C10orf90: variants seen among roughly 807,000 people sequenced by gnomAD.
C10orf90 encodes the protein (E2-independent) E3 ubiquitin-conjugating enzyme FATS.
A neutral mutation model predicts 62.5 loss-of-function variants in C10orf90; 56 were observed. The observed-to-expected ratio is 0.90, with a 90% CI of 0.72 to 1.12. The LOEUF is 1.12. Ranked by LOEUF, C10orf90 falls within the 50% of genes most tolerant of loss-of-function variation. The pLI is 0.00. For missense variants in C10orf90, 970 were observed against 880.4 expected (o/e 1.10, Z -1.29); for synonymous variants, 386 against 340.4 (o/e 1.13, Z -1.47).
At chr10:126,601,413 T>C (rs1422667078) in intron 2 of C10orf90, among the ~76,000 whole-genome samples, 3 of 152,236 alleles carry the variant, frequency 2.0e-5, no homozygotes, top group Non-Finnish European at 2.9e-5. Flanking sequence ...CATTTTAGTA[T>C]CTATGTGTCT....
chr10:126,497,773 G>C (rs1213468563), intron 4 of C10orf90, among the ~76,000 whole-genome samples: 1 of 152,206 alleles, frequency 6.6e-6, no homozygotes, highest in Non-Finnish European at 1.5e-5. Flanking sequence ...TGCTGTTGCA[G>C]TATGAAAGCA....
intron 7 of C10orf90, among the ~76,000 whole-genome samples, chr10:126,445,422 A>G (rs1390199454): frequency 6.6e-6 from 1 of 152,210 alleles, no homozygotes; most frequent in African/African-American, 2.4e-5. Flanking sequence ...AATGCTCAAC[A>G]TCACTAATGA....
intron 1 of C10orf90, among the ~76,000 whole-genome samples, chr10:126,669,475 T>C (rs1369687310): frequency 6.6e-6 from 1 of 152,230 alleles, no homozygotes; most frequent in Non-Finnish European, 1.5e-5. Context: ...ATTTGCATGT[T>C]ACATCTATCA....
intron 2 of C10orf90, among the ~76,000 whole-genome samples, chr10:126,590,457 A>G (rs1353430048): frequency 6.6e-6 from 1 of 152,198 alleles, no homozygotes; most frequent in African/African-American, 2.4e-5. Context: ...ACTTTTTAGC[A>G]AATACAAAAG....
intron 2 of C10orf90, among the ~76,000 whole-genome samples, chr10:126,590,310 G>A (rs2134027211): frequency 6.6e-6 from 1 of 152,096 alleles, no homozygotes; most frequent in Non-Finnish European, 1.5e-5. Context: ...AAATATTCAG[G>A]ACCTGAACTC....
At chr10:126,524,020 G>T (rs1456340068) in intron 2 of C10orf90, among the ~76,000 whole-genome samples, 1 of 152,170 alleles carries the variant, frequency 6.6e-6, no homozygotes, top group African/African-American at 2.4e-5. Flanking sequence ...ATGCTGCAAT[G>T]AACATGGTTG....
intron 2 of C10orf90, chr10:126,521,211 G>A (rs1162938363): frequency 1.4e-6 from 2 of 1,475,954 alleles, no homozygotes; most frequent in Non-Finnish European, 1.9e-6. Context: ...ACAGTACTGG[G>A]CCCAGAAGAT....
At chr10:126,482,899 G>A (rs1861236438) in intron 4 of C10orf90, among the ~76,000 whole-genome samples, 1 of 152,170 alleles carries the variant, frequency 6.6e-6, no homozygotes, top group Non-Finnish European at 1.5e-5. Context: ...AGGAGTTAAG[G>A]AACAAGGAGT....
At chr10:126,523,027 A>C (rs972651171) in intron 2 of C10orf90, 7 of 152,190 alleles carry the variant, frequency 4.6e-5, no homozygotes, top group Non-Finnish European at 1.0e-4. Flanking sequence ...TCCCTCAAAA[A>C]ACAGTGTGTT....
At chr10:126,428,142 A>T (rs529418690) in intron 8 of C10orf90, among the ~76,000 whole-genome samples, 35 of 152,298 alleles carry the variant, frequency 2.3e-4, no homozygotes, top group African/African-American at 8.4e-4. Flanking sequence ...AGCTACCGAG[A>T]GATAGTGTGT....
chr10:126,425,680 G>C lies in C10orf90; in HGVS notation c.*184C>G. 5 of 626,540 alleles carry C rather than the reference G, an allele frequency of 8.0e-6. No individual in the cohort carries two copies. Among genetic ancestry groups the C allele is most frequent in the Non-Finnish European group, 1.4e-5 (5 of 366,706 alleles). The allele number at this position is 626,540 out of a possible 1,614,324, so 38.8% of individuals were successfully genotyped here. A position where few individuals can be genotyped will look rare whatever the true frequency, so the allele number is the denominator to read the frequency against. ...ACAGATTGTTGACCTATTTTCTCGA[G>C]GGTTATTGTTTCTGTTTGGCTTGGG... On this transcript the variant is annotated 3_prime_UTR_variant, in exon 10 of 10. Transcript: ENST00000488181.
intron 5 of C10orf90, among the ~76,000 whole-genome samples, chr10:126,463,534 C>T (rs931029438): frequency 1.3e-5 from 2 of 152,180 alleles, no homozygotes; most frequent in Non-Finnish European, 2.9e-5. Context: ...ACGCCAGCCA[C>T]TGCCACCCCC....
At chr10:126,599,160 C>A (rs1845143593) in intron 2 of C10orf90, among the ~76,000 whole-genome samples, 1 of 151,422 alleles carries the variant, frequency 6.6e-6, no homozygotes, top group African/African-American at 2.4e-5. Flanking sequence ...ATAAGAATGC[C>A]AGGCCTCATT....
intron 2 of C10orf90, among the ~76,000 whole-genome samples, chr10:126,534,636 A>G (rs1359430325): frequency 1.3e-5 from 2 of 152,148 alleles, no homozygotes; most frequent in African/African-American, 4.8e-5. Context: ...TTCCACTTCC[A>G]AAGGAAGAGA....
intron 2 of C10orf90, among the ~76,000 whole-genome samples, chr10:126,621,981 C>T (rs759889561): frequency 1.3e-5 from 2 of 152,012 alleles, no homozygotes; most frequent in Non-Finnish European, 2.9e-5. Flanking sequence ...TGGCTTACCC[C>T]GTACCTTCAG....
intron 1 of C10orf90, among the ~76,000 whole-genome samples, chr10:126,657,360 T>C (rs1474623077): frequency 6.6e-6 from 1 of 152,210 alleles, no homozygotes; most frequent in Non-Finnish European, 1.5e-5. Flanking sequence ...ACATTCTGTT[T>C]CTGTGAATTT....
chr10:126,656,721 G>T (rs897632030), intron 1 of C10orf90, among the ~76,000 whole-genome samples: 1 of 152,168 alleles, frequency 6.6e-6, no homozygotes, highest in Non-Finnish European at 1.5e-5. Context: ...GGGCACAGGA[G>T]ACTTTTCGGC....
chr10:126,501,478 T>G (rs1862376305), intron 4 of C10orf90, among the ~76,000 whole-genome samples: 1 of 152,184 alleles, frequency 6.6e-6, no homozygotes, highest in Admixed American at 6.5e-5. Context: ...GGCTTTGGAC[T>G]TTGCAACTGA....
intron 1 of C10orf90, 65 bp from the exon 2 acceptor site, chr10:126,646,702 T>G (rs1181995162): frequency 5.6e-6 from 2 of 356,440 alleles, no homozygotes; most frequent in Non-Finnish European, 1.1e-5. Flanking sequence ...TAATCTTTAA[T>G]AATGTACATT....
Sources: allele counts gnomAD v4.1 joint callset (sites outside exome capture counted in the v4.1 genomes callset), GRCh38; gene constraint gnomAD v4.1.1; transcripts MANE v1.5; gene names NCBI Gene and HGNC (gene_info 2026-07-23, HGNC 2026-07-21).